Variants in ASAP1 observed in about 807,000 individuals in gnomAD.
ASAP1 encodes the protein arf-GAP with SH3 domain, ANK repeat and PH domain-containing protein 1.
ASAP1 carries 43 observed loss-of-function variants against 145.2 expected under a neutral mutation model. The observed-to-expected ratio is 0.30, with a 90% CI of 0.23 to 0.38. ASAP1 has a LOEUF of 0.38. Ranked by LOEUF, ASAP1 falls within the 10% of genes least tolerant of loss-of-function variation. The pLI is 1.00. For synonymous variants in ASAP1, 546 were observed against 515.5 expected (o/e 1.06, Z -0.80); for missense variants, 1,018 against 1,355.3 (o/e 0.75, Z 3.91).
intron 3 of ASAP1, among the ~76,000 whole-genome samples, chr8:130,278,098 T>C (rs1477669749): frequency 6.6e-6 from 1 of 151,250 alleles, no homozygotes; most frequent in Non-Finnish European, 1.5e-5. Context: ...CAAAGGGCCT[T>C]ATAAAAGTTA....
intron 1 of ASAP1, among the ~76,000 whole-genome samples, chr8:130,408,677 C>T (rs866593596): frequency 6.6e-6 from 1 of 152,098 alleles, no homozygotes; most frequent in Admixed American, 6.5e-5. Flanking sequence ...TCTGAAGAAC[C>T]CTTTTACATA....
chr8:130,361,921 C>G (rs1826730833), intron 2 of ASAP1: 2 of 674,488 alleles, frequency 3.0e-6, no homozygotes, highest in African/African-American at 3.5e-5. Context: ...ATAAAGCAAG[C>G]ATCATCTCTG....
chr8:130,168,886 C>T (rs912729733), intron 10 of ASAP1, 106 bp downstream of exon 10: 1 of 677,422 alleles, frequency 1.5e-6, no homozygotes, highest in South Asian at 2.0e-5. Context: ...ACAGACATAT[C>T]ATTTAATCTT....
intron 27 of ASAP1, among the ~76,000 whole-genome samples, chr8:130,062,202 C>T (rs2097421044): frequency 6.6e-6 from 1 of 152,224 alleles, no homozygotes; most frequent in South Asian, 2.1e-4. Flanking sequence ...AGGACATAGC[C>T]TGCACTCAGG....
intron 3 of ASAP1, among the ~76,000 whole-genome samples, chr8:130,285,489 GATCATATTTATCTA>G: frequency 6.6e-6 from 1 of 152,258 alleles, no homozygotes; most frequent in Non-Finnish European, 1.5e-5. Flanking sequence ...ACATAATTAT[GATCATATTTATCTA>G]TTCAGGAGGT....
At chr8:130,391,426 A>G (rs35104220) in intron 2 of ASAP1, among the ~76,000 whole-genome samples, 9,508 of 152,324 alleles carry the variant, frequency 0.062, 296 homozygotes, top group Middle Eastern at 0.12. Flanking sequence ...AACAGTTAAC[A>G]ATAGTAATTT....
chr8:130,332,617 T>C (rs1000834178), intron 3 of ASAP1, among the ~76,000 whole-genome samples: 1 of 152,356 alleles, frequency 6.6e-6, no homozygotes, highest in East Asian at 1.9e-4. Context: ...TTCGTTTTCT[T>C]ATTAGAAACT....
intron 3 of ASAP1, among the ~76,000 whole-genome samples, chr8:130,243,444 ACTCT>A (rs760918721): frequency 3.3e-5 from 5 of 151,644 alleles, no homozygotes; most frequent in Admixed American, 1.3e-4. Context: ...ACACATACAC[ACTCT>A]CTCTCTCTTT....
At chr8:130,148,561 CT>C (rs2097638553) in intron 13 of ASAP1, among the ~76,000 whole-genome samples, 1 of 152,170 alleles carries the variant, frequency 6.6e-6, no homozygotes, top group South Asian at 2.1e-4. Flanking sequence ...AGTTCTCTTT[CT>C]TTTTACAACC....
intron 2 of ASAP1, among the ~76,000 whole-genome samples, chr8:130,391,396 G>A (rs1828278277): frequency 1.3e-5 from 2 of 152,154 alleles, no homozygotes; most frequent in South Asian, 4.1e-4. Flanking sequence ...CATACTTAAT[G>A]CCACTGAATT....
chr8:130,181,020 T>C (rs1814320166), intron 7 of ASAP1, 140 bp from the exon 8 acceptor site: 2 of 461,174 alleles, frequency 4.3e-6, no homozygotes, highest in South Asian at 3.5e-5. Context: ...ATTGTACCAC[T>C]CTGGTGGGGG....
At chr8:130,055,244 G>C (rs1324715425) in intron 29 of ASAP1, among the ~76,000 whole-genome samples, 1 of 151,106 alleles carries the variant, frequency 6.6e-6, no homozygotes, top group East Asian at 1.9e-4. Context: ...TCTCTGTTAA[G>C]TGGGGCTAAA....
chr8:130,258,999 T>C (rs1232066768), intron 3 of ASAP1, among the ~76,000 whole-genome samples: 3 of 152,118 alleles, frequency 2.0e-5, no homozygotes. Flanking sequence ...CAGAGGAGCA[T>C]GTGTCCATTT....
intron 27 of ASAP1, among the ~76,000 whole-genome samples, chr8:130,072,734 G>A (rs2097449690): frequency 6.6e-6 from 1 of 150,726 alleles, no homozygotes; most frequent in Admixed American, 6.6e-5. Context: ...GGGAGTTGTA[G>A]GAGCCCCACC....
chr8:130,223,179 C>T (rs1817395417), intron 4 of ASAP1, among the ~76,000 whole-genome samples: 2 of 152,172 alleles, frequency 1.3e-5, no homozygotes, highest in Admixed American at 1.3e-4. Flanking sequence ...GCCTTGAGAA[C>T]ACTCTCATAA....
chr8:130,328,921 T>C (rs897928756), intron 3 of ASAP1, among the ~76,000 whole-genome samples: 1 of 152,164 alleles, frequency 6.6e-6, no homozygotes, highest in Admixed American at 6.5e-5. Context: ...TGGGTCTGTA[T>C]AGATTTTTAT....
intron 3 of ASAP1, among the ~76,000 whole-genome samples, chr8:130,297,104 G>A (rs1016526655): frequency 6.6e-6 from 1 of 152,178 alleles, no homozygotes; most frequent in Non-Finnish European, 1.5e-5. Flanking sequence ...TGTAGTAAAA[G>A]GACAGCGAAT....
intron 25 of ASAP1, among the ~76,000 whole-genome samples, chr8:130,088,328 C>T (rs1195240767): frequency 6.6e-6 from 1 of 152,082 alleles, no homozygotes; most frequent in Non-Finnish European, 1.5e-5. Context: ...TGGGGTTTCT[C>T]CATGTTAGTC....
intron 13 of ASAP1, among the ~76,000 whole-genome samples, chr8:130,148,244 T>C (rs1356203769): frequency 6.6e-6 from 1 of 152,156 alleles, no homozygotes. Context: ...TATGATACAG[T>C]AGAAAGAGTA....
Sources: allele counts gnomAD v4.1 joint callset (sites outside exome capture counted in the v4.1 genomes callset), GRCh38; gene constraint gnomAD v4.1.1; transcripts MANE v1.5; gene names NCBI Gene and HGNC (gene_info 2026-07-23, HGNC 2026-07-21).